PIEZO2: variants seen among roughly 807,000 people sequenced by gnomAD.
PIEZO2 encodes piezo-type mechanosensitive ion channel component 2.
In PIEZO2, 172 loss-of-function variants were observed where a neutral mutation model predicts 337.3. That is an observed-to-expected ratio of 0.51 (90% CI 0.45 to 0.58). The LOEUF is 0.58. Ranked by LOEUF, PIEZO2 falls within the 20% of genes least tolerant of loss-of-function variation. PIEZO2 has a pLI of 0.00. For synonymous variants in PIEZO2, 1,251 were observed against 1,228.5 expected, an observed-to-expected ratio of 1.02 and a Z score of -0.38; for missense variants, 3,028 against 3,391.3, an observed-to-expected ratio of 0.89 and a Z score of 2.66.
chr18:10,806,420 A>T (rs72986099), intron 8 of PIEZO2, among the ~76,000 whole-genome samples: 41,658 of 152,024 alleles, frequency 0.27, 6,631 homozygotes, highest in Middle Eastern at 0.38. Flanking sequence ...AAGAGAAGCC[A>T]CCCAGGCTTC....
Position 10,762,567 on chromosome 18 carries a change from C to T in PIEZO2, c.3182G>A (p.Ser1061Asn), listed in dbSNP as rs2038181174. ...FNELNKSLLYSAPIDPTEWVG... is the reference protein window; with the variant it reads ...FNELNKSLLYNAPIDPTEWVG... Reference sequence around the variant, plus strand: ...CCACTCTGTAGGATCGATAGGAGCGCTGTAGAGCAGAGACTTGTTCAACTC... The same window carrying T: ...CCACTCTGTAGGATCGATAGGAGCGTTGTAGAGCAGAGACTTGTTCAACTC... Residue 1061 changes from serine to asparagine, a missense_variant, in exon 23 of 56, where the codon AGC becomes AAC. Around this residue, in one of 5 missense-constraint regions of PIEZO2, gnomAD observed 1,925 missense variants for 2,051.9 expected, o/e 0.94. Coordinates refer to ENST00000674853, the MANE Select transcript of PIEZO2 (RefSeq NM_001378183.1). 4.6e-6 allele frequency: 7 copies of T among 1,537,426 alleles called. No homozygotes were observed. Among genetic ancestry groups the T allele is most frequent in the Non-Finnish European group, 6.1e-6 (7 of 1,146,936 alleles).
chr18:10,757,823 G>T, intron 27 of PIEZO2, 146 bp downstream of exon 27: 1 of 937,958 alleles, frequency 1.1e-6, no homozygotes, highest in African/African-American at 1.7e-5. Flanking sequence ...CCAGGCTGCT[G>T]AACCACATTG....
intron 1 of PIEZO2, among the ~76,000 whole-genome samples, chr18:11,119,843 C>T (rs544809115): frequency 1.3e-5 from 2 of 152,124 alleles, no homozygotes; most frequent in South Asian, 2.1e-4. Flanking sequence ...CTCAGAGTTT[C>T]GAACAGTAAA....
chr18:10,972,464 A>C (rs1038242542), intron 3 of PIEZO2, among the ~76,000 whole-genome samples: 1 of 152,136 alleles, frequency 6.6e-6, no homozygotes, highest in African/African-American at 2.4e-5. Flanking sequence ...GCTGTGGGGC[A>C]GGTGGAGTGA....
chr18:10,881,638 C>G (rs190901329), intron 4 of PIEZO2, among the ~76,000 whole-genome samples: 15 of 152,290 alleles, frequency 9.8e-5, no homozygotes, highest in South Asian at 2.1e-4. Context: ...GGTATAAATG[C>G]TGCAAATCAG....
Position 11,105,786 on chromosome 18 carries a change from GC to G in PIEZO2, c.65-39565del, listed in dbSNP as rs934419539. On this transcript the variant is annotated intron_variant, in intron 1 of 55. Coordinates refer to ENST00000674853, the MANE Select transcript of PIEZO2 (RefSeq NM_001378183.1). This position sits in a 1 kb window ranked among gnomAD's most constrained non-coding sequence, Gnocchi z 4.3. ...ATAAAAGTTATATTATAAAAGATAAGCAAAATTACGTTGGACAACAACCAGC... is the reference window on the plus strand; with the variant it reads ...ATAAAAGTTATATTATAAAAGATAAGAAAATTACGTTGGACAACAACCAGC... 1.8e-4 allele frequency among the ~76,000 whole-genome samples: 28 copies of G among 152,220 alleles called. No individual in the cohort carries two copies. Among genetic ancestry groups the G allele is most frequent in the African/African-American group, 6.5e-4 (27 of 41,552 alleles).
rs755516098 is a variant in PIEZO2 at position 10,759,646 on chromosome 18, C to T, written c.3655+59G>A. The T allele has an allele frequency of 1.2e-5, 18 of 1,535,302 alleles. No individual in the cohort carries two copies. Among genetic ancestry groups the T allele is most frequent in the Middle Eastern group, 1.7e-4 (1 of 6,006 alleles). ...TCTTCTTCACCACTCTTCTCCCAGC[C>T]GTCCGCTCAGTAATGGCTTCTTCTA... On this transcript the variant is annotated intron_variant, in intron 25 of 55. Transcript: ENST00000674853. The surrounding 1 kb of genome is among the most constrained non-coding windows in gnomAD (Gnocchi z 5.5).
chr18:10,981,704 G>A (rs1183353606), intron 2 of PIEZO2, among the ~76,000 whole-genome samples: 1 of 152,182 alleles, frequency 6.6e-6, no homozygotes, highest in Non-Finnish European at 1.5e-5. Context: ...GACTGGGAGA[G>A]GCAGACCAAC....
intron 3 of PIEZO2, among the ~76,000 whole-genome samples, chr18:10,921,969 AC>A (rs1447627603): frequency 1.3e-5 from 2 of 152,042 alleles, no homozygotes; most frequent in Non-Finnish European, 2.9e-5. Flanking sequence ...TTGCTCTCAA[AC>A]CCTGTCTCCT....
At chr18:11,108,911 T>C (rs2039652274) in intron 1 of PIEZO2, among the ~76,000 whole-genome samples, 1 of 152,158 alleles carries the variant, frequency 6.6e-6, no homozygotes, top group Non-Finnish European at 1.5e-5. Flanking sequence ...TAAACAGTCA[T>C]GTGGACTTCA....
chr18:10,904,299 T>C (rs1351582770), intron 4 of PIEZO2, among the ~76,000 whole-genome samples: 2 of 152,226 alleles, frequency 1.3e-5, no homozygotes, highest in Non-Finnish European at 2.9e-5. Context: ...GAATAGAAGG[T>C]AGAGCCCATA....
At chr18:11,118,121 C>T (rs1280019766) in intron 1 of PIEZO2, among the ~76,000 whole-genome samples, 1 of 152,206 alleles carries the variant, frequency 6.6e-6, no homozygotes, top group Non-Finnish European at 1.5e-5. Flanking sequence ...TTAAGTTCAT[C>T]ATCTGTTCAT....
Position 10,716,012 on chromosome 18 carries a change from G to T in PIEZO2, c.5090-196C>A, listed in dbSNP as rs1188081520. On this transcript the variant is annotated intron_variant, in intron 37 of 55. Transcript: ENST00000674853. The surrounding 1 kb of genome is among the most constrained non-coding windows in gnomAD (Gnocchi z 4.1). ...AGCTTTTGTGGGGCTTTGCACACACGCAGTGGCAGACCAAATCAGGATAGA... is the reference window on the plus strand; with the variant it reads ...AGCTTTTGTGGGGCTTTGCACACACTCAGTGGCAGACCAAATCAGGATAGA... Among the ~76,000 whole-genome samples, 7 of 152,178 alleles carry T rather than the reference G, an allele frequency of 4.6e-5. No individual in the cohort carries two copies. Among genetic ancestry groups the T allele is most frequent in the African/African-American group, 1.2e-4 (5 of 41,438 alleles).
intron 4 of PIEZO2, among the ~76,000 whole-genome samples, chr18:10,901,118 C>T (rs2043035461): frequency 2.0e-5 from 3 of 152,296 alleles, no homozygotes; most frequent in East Asian, 1.9e-4. Flanking sequence ...AATAAAAGTT[C>T]AGCAAATGCC....
chr18:11,120,334 G>T lies in PIEZO2; in HGVS notation c.64+28191C>A, dbSNP rs2039995418. On this transcript the variant is annotated intron_variant, in intron 1 of 55. Transcript: ENST00000674853. ...AAAATATGTTTTTTTTTCTCAAAAA[G>T]ATATGGTTTGTTGATTTGCATTGTT... 3.3e-5 allele frequency among the ~76,000 whole-genome samples: 5 copies of T among 152,196 alleles called. No homozygotes were observed. In the South Asian group the frequency reaches 1.0e-3, roughly 32 times the overall value.
At chr18:11,100,750 C>T (rs967890736) in intron 1 of PIEZO2, among the ~76,000 whole-genome samples, 4 of 152,168 alleles carry the variant, frequency 2.6e-5, no homozygotes, top group Non-Finnish European at 5.9e-5. Flanking sequence ...CGCCCGCCAC[C>T]ACGCCTGGCT....
intron 21 of PIEZO2, among the ~76,000 whole-genome samples, chr18:10,769,449 A>G (rs917837563): frequency 6.6e-6 from 1 of 152,202 alleles, no homozygotes; most frequent in African/African-American, 2.4e-5. Context: ...TAGTTGTGAT[A>G]TTTTACTGTT....
intron 7 of PIEZO2, among the ~76,000 whole-genome samples, chr18:10,831,293 G>A (rs978464213): frequency 1.3e-5 from 2 of 152,168 alleles, no homozygotes; most frequent in African/African-American, 2.4e-5. Flanking sequence ...ATTAACAGAT[G>A]AATGGATAAA....
chr18:10,677,429 G>A lies in PIEZO2; in HGVS notation c.8081+318C>T. ...GACAGGGTTTCACCATGTTGGTCAG[G>A]CTGGTCTTGAACTCCCGACCTCAGG... On this transcript the variant is annotated intron_variant, in intron 53 of 55. Transcript: ENST00000674853. The surrounding 1 kb of genome is among the most constrained non-coding windows in gnomAD (Gnocchi z 4.1). 3.9e-6 allele frequency: 1 copy of A among 254,938 alleles called. No homozygotes were observed. Among genetic ancestry groups the A allele is most frequent in the Non-Finnish European group, 7.5e-6 (1 of 132,670 alleles). The allele number at this position is 254,938 out of a possible 1,614,324, so 15.8% of individuals were successfully genotyped here. A position where few individuals can be genotyped will look rare whatever the true frequency, so the allele number is the denominator to read the frequency against.
Sources: allele counts gnomAD v4.1 joint callset (sites outside exome capture counted in the v4.1 genomes callset), GRCh38; gene constraint gnomAD v4.1.1; regional missense constraint gnomAD v4.1.1; non-coding constraint Gnocchi (gnomAD v3.1); transcripts MANE v1.5; gene names NCBI Gene and HGNC (gene_info 2026-07-23, HGNC 2026-07-21).